Variants in ABLIM1 observed in about 807,000 individuals in gnomAD.
The protein encoded by ABLIM1 is actin binding LIM protein 1.
A neutral mutation model predicts 107.0 loss-of-function variants in ABLIM1; 40 were observed. The ratio of observed to expected loss-of-function variants is 0.37; its 90% CI spans 0.29 to 0.49. ABLIM1 has a LOEUF of 0.49. ABLIM1 is among the 20% of genes least tolerant of loss of function. ABLIM1 has a pLI of 0.97. For synonymous variants in ABLIM1, 357 were observed against 357.3 expected (o/e 1.00, Z 0.01); for missense variants, 857 against 1,008.5 (o/e 0.85, Z 2.04).
chr10:114,492,942 G>GA (rs202028361), intron 6 of ABLIM1, among the ~76,000 whole-genome samples: 49 of 151,092 alleles, frequency 3.2e-4, no homozygotes, highest in Non-Finnish European at 4.3e-4. Context: ...TAATCAGGTG[G>GA]AAAAAAAAAT....
chr10:114,712,757 G>A (rs1484627780), intron 1 of ABLIM1, among the ~76,000 whole-genome samples: 1 of 152,188 alleles, frequency 6.6e-6, no homozygotes, highest in Non-Finnish European at 1.5e-5. Flanking sequence ...GGGAATATTT[G>A]GAGTTTCTTC....
intron 14 of ABLIM1, 64 bp downstream of exon 14, chr10:114,451,560 A>G (rs2061904248): frequency 1.4e-6 from 2 of 1,454,074 alleles, no homozygotes; most frequent in Non-Finnish European, 1.9e-6. Flanking sequence ...CTTTCAGAGG[A>G]CAGCAAGGAG....
intron 12 of ABLIM1, among the ~76,000 whole-genome samples, chr10:114,462,731 C>T (rs1007876134): frequency 8.0e-5 from 12 of 150,086 alleles, no homozygotes; most frequent in African/African-American, 2.2e-4. Flanking sequence ...TATTTTGTTT[C>T]GATGCATCCA....
In ABLIM1 at chr10:114,434,984, C is replaced by T. The variant is rs1257928899; in HGVS notation, c.*1276G>A. 1.3e-5 allele frequency: 2 copies of T among 152,118 alleles called. No homozygotes were observed. The highest frequency in any genetic ancestry group is 2.4e-5 in the African/African-American group (1 of 41,430). 9.4% of individuals were successfully genotyped at this position (152,118 alleles called of 1,614,324 possible). Reference sequence around the variant, plus strand: ...TCTTGATCTTTGAGTCACACACACTCGGTGACAATGTCTTTAGAAGCTGCA... The same window carrying T: ...TCTTGATCTTTGAGTCACACACACTTGGTGACAATGTCTTTAGAAGCTGCA... On this transcript the variant is annotated 3_prime_UTR_variant, in exon 23 of 23. Coordinates refer to ENST00000533213, the MANE Select transcript of ABLIM1 (RefSeq NM_002313.7).
At chr10:114,481,207 T>A (rs1467124292) in intron 8 of ABLIM1, among the ~76,000 whole-genome samples, 1 of 152,118 alleles carries the variant, frequency 6.6e-6, no homozygotes, top group Admixed American at 6.6e-5. Context: ...CATTTTCCAT[T>A]TACTTTCCAT....
intron 1 of ABLIM1, among the ~76,000 whole-genome samples, chr10:114,608,297 G>A (rs1399254067): frequency 6.6e-6 from 1 of 152,164 alleles, no homozygotes; most frequent in East Asian, 1.9e-4. Flanking sequence ...CCAGGAGGTG[G>A]AGGTTGCAGT....
chr10:114,438,052 G>C lies in ABLIM1; in HGVS notation c.2143-128C>G, dbSNP rs2059676470. ...ACTGTCATGACAGAATTCGAGTGAT[G>C]GGTCTTCCTTCTGCAAGGCCAGTGG... On this transcript the variant is annotated intron_variant, in intron 21 of 22. Coordinates refer to ENST00000533213, the MANE Select transcript of ABLIM1 (RefSeq NM_002313.7). 5.9e-6 allele frequency: 5 copies of C among 843,416 alleles called. No homozygotes were observed. The East Asian group carries it at 1.3e-4, about 22-fold the overall frequency. 52.2% of individuals were successfully genotyped at this position (843,416 alleles called of 1,614,324 possible).
At chr10:114,492,730 T>C (rs1171373108) in intron 6 of ABLIM1, among the ~76,000 whole-genome samples, 1 of 152,174 alleles carries the variant, frequency 6.6e-6, no homozygotes. Context: ...CAATCCACCA[T>C]CAAAACATTT....
chr10:114,646,706 G>A (rs1006670329), intron 1 of ABLIM1, among the ~76,000 whole-genome samples: 1 of 152,212 alleles, frequency 6.6e-6, no homozygotes, highest in African/African-American at 2.4e-5. Context: ...ACAGGAGGTT[G>A]GCTGGGCTCA....
intron 1 of ABLIM1, among the ~76,000 whole-genome samples, chr10:114,754,532 T>G (rs565213821): frequency 6.6e-6 from 1 of 152,170 alleles, no homozygotes; most frequent in Admixed American, 6.5e-5. Context: ...GGGAAGAAAT[T>G]TAGTTATCAG....
At chr10:114,463,377 G>A (rs1589963280) in intron 12 of ABLIM1, among the ~76,000 whole-genome samples, 1 of 152,242 alleles carries the variant, frequency 6.6e-6, no homozygotes, top group East Asian at 1.9e-4. Flanking sequence ...GGTTCAGGTG[G>A]GTACAGAGTC....
chr10:114,523,563 G>A (rs778486606), intron 6 of ABLIM1, among the ~76,000 whole-genome samples: 1 of 151,302 alleles, frequency 6.6e-6, no homozygotes, highest in Non-Finnish European at 1.5e-5. Context: ...AATAAGAGCA[G>A]AAATTTAATT....
At chr10:114,521,711 T>C (rs1423548870) in intron 6 of ABLIM1, among the ~76,000 whole-genome samples, 4 of 151,996 alleles carry the variant, frequency 2.6e-5, no homozygotes, top group South Asian at 2.1e-4. Context: ...CATTCATCCA[T>C]CCTTCTATCC....
At chr10:114,640,464 C>G (rs2078691221) in intron 1 of ABLIM1, among the ~76,000 whole-genome samples, 1 of 152,066 alleles carries the variant, frequency 6.6e-6, no homozygotes, top group African/African-American at 2.4e-5. Flanking sequence ...TAGGCGGAGG[C>G]TGCAGTGAGC....
intron 4 of ABLIM1, among the ~76,000 whole-genome samples, chr10:114,550,275 T>G (rs1303040259): frequency 6.6e-6 from 1 of 152,084 alleles, no homozygotes; most frequent in Non-Finnish European, 1.5e-5. Flanking sequence ...GAATCTCACA[T>G]CTGGTAGTTT....
At chr10:114,588,236 C>T (rs1182248692) in intron 2 of ABLIM1, among the ~76,000 whole-genome samples, 2 of 152,136 alleles carry the variant, frequency 1.3e-5, no homozygotes, top group African/African-American at 4.8e-5. Context: ...CTCAGAATCA[C>T]AGGGCACACC....
At chr10:114,775,985 T>G in the ABLIM1 span, 3 of 152,274 alleles carry the variant, frequency 2.0e-5, no homozygotes, top group South Asian at 2.1e-4. Context: ...TAAAGGAGTA[T>G]AAAGCTACAG....
At chr10:114,770,037 T>TCAGCCTC (rs2083004156), upstream of ABLIM1, among the ~76,000 whole-genome samples, 1 of 152,154 alleles carries the variant, frequency 6.6e-6, no homozygotes, top group African/African-American at 2.4e-5. Context: ...CTGCCTACAT[T>TCAGCCTC]CAGCCTCCAG....
At chr10:114,618,419 C>T (rs1341469604) in intron 1 of ABLIM1, among the ~76,000 whole-genome samples, 1 of 152,184 alleles carries the variant, frequency 6.6e-6, no homozygotes, top group African/African-American at 2.4e-5. Context: ...TATCAAACCT[C>T]CTGATGTGGA....
Sources: gnomAD v4.1 joint callset for allele counts (sites outside exome capture counted in the v4.1 genomes callset) on GRCh38, gnomAD v4.1.1 for gene constraint, MANE v1.5 for transcripts, NCBI Gene and HGNC (gene_info 2026-07-23, HGNC 2026-07-21) for gene names.